The following TENT2 variants were observed in gnomAD, a reference collection of about 807,000 sequenced individuals.
The protein encoded by TENT2 is poly(A) RNA polymerase GLD2.
Under a neutral mutation model 72.2 loss-of-function variants are expected in TENT2, and 44 were observed. The ratio of observed to expected loss-of-function variants is 0.61; its 90% CI spans 0.48 to 0.78. The LOEUF is 0.78. TENT2 is among the 30% of genes least tolerant of loss of function. The probability of loss-of-function intolerance (pLI) is 0.00; values close to 1 mark genes in which losing one functional copy is unlikely to be tolerated. For missense variants in TENT2, 541 were observed against 569.6 expected (o/e 0.95, Z 0.51); for synonymous variants, 212 against 192.5 (o/e 1.10, Z -0.84).
intron 1 of TENT2, among the ~76,000 whole-genome samples, chr5:79,615,713 T>TC (rs1296004548): frequency 6.7e-6 from 1 of 149,204 alleles, no homozygotes; most frequent in African/African-American, 2.4e-5. Flanking sequence ...TTTTTTCTTT[T>TC]TTTTTTTTGT....
At chr5:79,670,515 G>A (rs759490761) in intron 12 of TENT2, among the ~76,000 whole-genome samples, 1 of 151,516 alleles carries the variant, frequency 6.6e-6, no homozygotes, top group African/African-American at 2.4e-5. Context: ...AGTAGAGATG[G>A]GGTTTCATCA....
chr5:79,653,077 C>A (rs1318583039), intron 10 of TENT2, among the ~76,000 whole-genome samples: 2 of 151,908 alleles, frequency 1.3e-5, no homozygotes, highest in Non-Finnish European at 2.9e-5. Flanking sequence ...TAATATGTGC[C>A]CTACTCCTTA....
At position 79,623,477 on chromosome 5, in the gene TENT2, G is replaced by A; in HGVS notation, c.453G>A (p.Glu151=). 1 of 1,601,440 alleles carries A rather than the reference G, an allele frequency of 6.2e-7. No homozygotes were observed. Among genetic ancestry groups the A allele is most frequent in the Non-Finnish European group, 8.5e-7 (1 of 1,171,658 alleles). The part of the protein sequence containing the change: ...FLEPREITLP[E]AKDKLSQQIL... The stretch of plus-strand genomic sequence containing the variant: ...AACCTAGAGAAATCACACTGCCTGA[G>A]GCCAAAGATAAGGTAATAATAATGT... The change falls in exon 4 of 15, where the codon GAG becomes GAA. Residue 151 remains glutamate, a synonymous_variant. Transcript: ENST00000453514.
At chr5:79,640,382 T>C (rs1260890929) in intron 4 of TENT2, among the ~76,000 whole-genome samples, 2 of 152,110 alleles carry the variant, frequency 1.3e-5, no homozygotes, top group South Asian at 2.1e-4. Flanking sequence ...ACATCTCTTA[T>C]ATTTGGTATT....
intron 3 of TENT2, among the ~76,000 whole-genome samples, chr5:79,622,536 GA>G (rs1329970243): frequency 6.6e-6 from 1 of 152,026 alleles, no homozygotes; most frequent in African/African-American, 2.4e-5. Flanking sequence ...CTAGATTCAT[GA>G]GTTAAAAGTT....
At chr5:79,681,798 C>G in intron 13 of TENT2, 184 bp from the exon 14 acceptor site, 1 of 483,360 alleles carries the variant, frequency 2.1e-6, no homozygotes, top group Non-Finnish European at 3.8e-6. Context: ...CCTTATTAGG[C>G]AGTTCATAGT....
At chr5:79,623,692 A>T (rs886405116) in intron 4 of TENT2, 2 of 392,686 alleles carry the variant, frequency 5.1e-6, no homozygotes, top group Non-Finnish European at 9.0e-6. Context: ...GCCATCAGGA[A>T]ATCAGATTTT....
rs138435132 is a variant in TENT2 at position 79,688,130 on chromosome 5, A to G, written c.*2857A>G. 1.5e-3 allele frequency among the ~76,000 whole-genome samples: 223 copies of G among 152,362 alleles called. 3 individuals carry two copies. Among genetic ancestry groups the G allele is most frequent in the African/African-American group, 5.1e-3 (213 of 41,592 alleles). On this transcript the variant is annotated 3_prime_UTR_variant, in exon 15 of 15. Transcript: ENST00000453514. Reference sequence around the variant, plus strand: ...GATTTACAGTTCATTACCTCCAGACATAATGCATGCATACCAGCTCGTGTA... The same window carrying G: ...GATTTACAGTTCATTACCTCCAGACGTAATGCATGCATACCAGCTCGTGTA...
chr5:79,668,288 T>G (rs944979834), intron 11 of TENT2, among the ~76,000 whole-genome samples: 4 of 152,190 alleles, frequency 2.6e-5, no homozygotes, highest in African/African-American at 9.6e-5. Context: ...GTATGTTTCC[T>G]GTCTCATTTT....
At chr5:79,652,273 A>C (rs1794758696) in intron 10 of TENT2, among the ~76,000 whole-genome samples, 1 of 152,086 alleles carries the variant, frequency 6.6e-6, no homozygotes, top group Non-Finnish European at 1.5e-5. Context: ...CCCTAATATG[A>C]GATCTACATA....
intron 11 of TENT2, among the ~76,000 whole-genome samples, chr5:79,666,484 A>G (rs6888822): frequency 0.2 from 30,523 of 151,276 alleles, 4,537 homozygotes; most frequent in African/African-American, 0.42. Flanking sequence ...GAGTACCTGG[A>G]ACGACAGCAG....
rs1234379369 is a variant in TENT2 at position 79,645,103 on chromosome 5, C to A, written c.752-20C>A. On this transcript the variant is annotated intron_variant, in intron 7 of 14. Coordinates refer to ENST00000453514, the MANE Select transcript of TENT2 (RefSeq NM_001114394.3). The stretch of plus-strand genomic sequence containing the variant: ...TTCTAGAAACATTTGCAGCTATTCA[C>A]ATTATCTTTTGTCTTTCAGCGGGCT... 6.3e-7 allele frequency: 1 copy of A among 1,577,902 alleles called. No individual in the cohort carries two copies. The highest frequency in any genetic ancestry group is 8.6e-7 in the Non-Finnish European group (1 of 1,164,328).
At chr5:79,623,831 TTTA>T (rs1451213487) in intron 4 of TENT2, among the ~76,000 whole-genome samples, 1 of 152,016 alleles carries the variant, frequency 6.6e-6, no homozygotes, top group African/African-American at 2.4e-5. Context: ...TAGAACACAT[TTTA>T]TTATGGGATA....
chr5:79,634,248 T>C (rs67714270), intron 4 of TENT2, among the ~76,000 whole-genome samples: 30,880 of 152,004 alleles, frequency 0.2, 4,637 homozygotes, highest in African/African-American at 0.42. Flanking sequence ...ATTTTATTGG[T>C]ATTTAATTTG....
chr5:79,682,725 A>G (rs148152341), intron 14 of TENT2, among the ~76,000 whole-genome samples: 9 of 152,276 alleles, frequency 5.9e-5, no homozygotes, highest in African/African-American at 1.2e-4. Flanking sequence ...TGCTTTTTCT[A>G]ATGTATACCC....
intron 1 of TENT2, among the ~76,000 whole-genome samples, chr5:79,614,691 C>T (rs1758157783): frequency 6.6e-6 from 1 of 152,050 alleles, no homozygotes; most frequent in Admixed American, 6.5e-5. Flanking sequence ...ACTTAAGAAA[C>T]CTTTCATTCA....
At chr5:79,679,745 G>C in intron 13 of TENT2, 75 bp downstream of exon 13, 1 of 810,542 alleles carries the variant, frequency 1.2e-6, no homozygotes, top group South Asian at 3.5e-5. Flanking sequence ...CTGTGTTTCA[G>C]TTAAAAGTAA....
At position 79,648,678 on chromosome 5, in the gene TENT2, A is replaced by G. The variant is rs1388039515; in HGVS notation, c.883A>G (p.Arg295Gly). ...TGGAATAAGAAACACATTCCTTCTC[A>G]GAACTTATGCATACCGTAAGTTTGT... ...IVGIRNTFLL[R>G]TYAYLENRVR... is the part of the protein sequence containing the mutation. Residue 295 changes from arginine (R) to glycine (G), a missense_variant, in exon 9 of 15, where the codon AGA (arginine) becomes GGA (glycine). By Grantham distance (125) the Arg-to-Gly change is moderately radical. Transcript: ENST00000453514. The G allele has an allele frequency of 3.8e-6, 6 of 1,596,076 alleles. No individual in the cohort carries two copies. The highest frequency in any genetic ancestry group is 4.3e-6 in the Non-Finnish European group (5 of 1,170,950).
chr5:79,625,962 G>A (rs1326292048), intron 4 of TENT2, among the ~76,000 whole-genome samples: 2 of 151,708 alleles, frequency 1.3e-5, no homozygotes, highest in African/African-American at 4.8e-5. Context: ...CTGAGTAGCT[G>A]GGATTACAGG....
Sources: gnomAD v4.1 joint callset for allele counts (sites outside exome capture counted in the v4.1 genomes callset) on GRCh38, gnomAD v4.1.1 for gene constraint, MANE v1.5 for transcripts, NCBI Gene and HGNC (gene_info 2026-07-23, HGNC 2026-07-21) for gene names.